PPFIA2: variants seen among roughly 807,000 people sequenced by gnomAD.
The protein encoded by PPFIA2 is liprin-alpha-2.
Under a neutral mutation model 175.5 loss-of-function variants are expected in PPFIA2, and 46 were observed. The observed-to-expected ratio is 0.26, with a 90% CI of 0.21 to 0.34. The LOEUF is 0.34. Ranked by LOEUF, PPFIA2 falls within the 10% of genes least tolerant of loss-of-function variation. The probability of loss-of-function intolerance (pLI) is 1.00; values close to 1 mark genes in which losing one functional copy is unlikely to be tolerated. For synonymous variants in PPFIA2, 568 were observed against 511.4 expected, an observed-to-expected ratio of 1.11 and a Z score of -1.49; for missense variants, 1,179 against 1,506.1, an observed-to-expected ratio of 0.78 and a Z score of 3.60.
chr12:81,651,753 T>C (rs975475224), intron 4 of PPFIA2, among the ~76,000 whole-genome samples: 3 of 152,152 alleles, frequency 2.0e-5, no homozygotes, highest in African/African-American at 7.2e-5. Flanking sequence ...ATCAAAGAGC[T>C]CATAAGTGAT....
chr12:81,345,388 A>C (rs1555291912), intron 18 of PPFIA2, among the ~76,000 whole-genome samples: 3 of 151,036 alleles, frequency 2.0e-5, no homozygotes, highest in African/African-American at 2.5e-5. Flanking sequence ...CTTTTTTTTC[A>C]GTACTCTAAT....
intron 7 of PPFIA2, among the ~76,000 whole-genome samples, chr12:81,416,234 G>C (rs951565244): frequency 6.6e-6 from 1 of 151,574 alleles, no homozygotes; most frequent in Non-Finnish European, 1.5e-5. Context: ...TTTCTAAACA[G>C]TTTTTCAAAA....
intron 4 of PPFIA2, chr12:81,472,641 A>T (rs2056911506): frequency 6.6e-6 from 1 of 152,198 alleles, no homozygotes; most frequent in South Asian, 2.1e-4. Flanking sequence ...CTTTTTAGTA[A>T]CCAGTATGCT....
rs74933884 is a variant in PPFIA2 at position 81,655,891 on chromosome 12, T to C, written c.303+20900A>G. ...TGTTCTACCATGATTGAGGCTTTTC[T>C]ATTCTCCTTTTGATTCTGTTAATTT... On this transcript the variant is annotated intron_variant, in intron 4 of 32. Transcript: ENST00000549396. Among the ~76,000 whole-genome samples the C allele has an allele frequency of 6.1e-3, 926 of 152,200 alleles. 33 individuals are homozygous for C. The East Asian group carries it at 0.089, about 15-fold the overall frequency.
intron 3 of PPFIA2, among the ~76,000 whole-genome samples, chr12:81,691,390 GA>G (rs1278319472): frequency 6.6e-6 from 1 of 152,086 alleles, no homozygotes; most frequent in Non-Finnish European, 1.5e-5. Flanking sequence ...GTTGATTCGA[GA>G]AAAATAAATG....
chr12:81,566,708 A>G (rs2071401644), intron 4 of PPFIA2, among the ~76,000 whole-genome samples: 1 of 152,144 alleles, frequency 6.6e-6, no homozygotes, highest in Non-Finnish European at 1.5e-5. Context: ...GGGGATATAC[A>G]CTCATTGCAA....
At chr12:81,652,088 C>T (rs180837240) in intron 4 of PPFIA2, among the ~76,000 whole-genome samples, 3 of 151,408 alleles carry the variant, frequency 2.0e-5, no homozygotes, top group African/African-American at 7.3e-5. Flanking sequence ...TTTTCTAGTT[C>T]TACATTTCTA....
At chr12:81,597,910 C>A in intron 4 of PPFIA2, 1 of 1,520,306 alleles carries the variant, frequency 6.6e-7, no homozygotes, top group Non-Finnish European at 8.8e-7. Flanking sequence ...TTTGACAATA[C>A]ATTAACTTAC....
At chr12:81,329,765 G>A (rs1244710403) in intron 21 of PPFIA2, among the ~76,000 whole-genome samples, 1 of 152,192 alleles carries the variant, frequency 6.6e-6, no homozygotes, top group African/African-American at 2.4e-5. Context: ...CCTGCTGTTT[G>A]GCTGGATCGG....
chr12:81,724,721 A>G (rs562833374), intron 3 of PPFIA2, among the ~76,000 whole-genome samples: 1 of 151,084 alleles, frequency 6.6e-6, no homozygotes, highest in South Asian at 2.1e-4. Flanking sequence ...TTGTTTACCC[A>G]GTCATCTATT....
chr12:81,533,735 CTATA>C (rs1555461233), intron 4 of PPFIA2, among the ~76,000 whole-genome samples: 134 of 73,612 alleles, frequency 1.8e-3, no homozygotes, highest in African/African-American at 2.4e-3. Context: ...ATCTATCTAT[CTATA>C]TATCTATCTA....
At chr12:81,367,053 G>A in intron 14 of PPFIA2, 55 bp downstream of exon 14, 1 of 1,405,914 alleles carries the variant, frequency 7.1e-7, no homozygotes. Context: ...ACATTCATCA[G>A]TGGAATAGAA....
chr12:81,416,574 G>C (rs2045302935), intron 7 of PPFIA2, among the ~76,000 whole-genome samples: 1 of 151,630 alleles, frequency 6.6e-6, no homozygotes, highest in South Asian at 2.1e-4. Context: ...AAGGGAAATA[G>C]GTGTCTCACA....
chr12:81,606,373 T>G (rs1195824984), intron 4 of PPFIA2, among the ~76,000 whole-genome samples: 1 of 152,030 alleles, frequency 6.6e-6, no homozygotes, highest in East Asian at 1.9e-4. Context: ...AGCTCTGTTT[T>G]AAGTTATTTG....
At chr12:81,598,112 A>G in intron 4 of PPFIA2, 13 of 1,528,194 alleles carry the variant, frequency 8.5e-6, no homozygotes, top group Non-Finnish European at 1.1e-5. Context: ...AAATCCGTGC[A>G]TGCATTGAGG....
intron 7 of PPFIA2, among the ~76,000 whole-genome samples, chr12:81,420,052 T>C (rs929772160): frequency 2.6e-5 from 4 of 152,166 alleles, no homozygotes; most frequent in Admixed American, 2.6e-4. Flanking sequence ...TCACCAGTGC[T>C]GACCTCAGCT....
chr12:81,297,070 T>C (rs1165821784), intron 23 of PPFIA2, among the ~76,000 whole-genome samples: 1 of 152,154 alleles, frequency 6.6e-6, no homozygotes, highest in Non-Finnish European at 1.5e-5. Flanking sequence ...AGGAGCCCTG[T>C]GGAGAGTCCC....
intron 3 of PPFIA2, among the ~76,000 whole-genome samples, chr12:81,702,080 C>A (rs2076556788): frequency 6.6e-6 from 1 of 152,106 alleles, no homozygotes; most frequent in Non-Finnish European, 1.5e-5. Context: ...TTGCTCCTAG[C>A]AGCTGGCTGC....
At chr12:81,625,119 T>A (rs1379024477) in intron 4 of PPFIA2, among the ~76,000 whole-genome samples, 1 of 151,854 alleles carries the variant, frequency 6.6e-6, no homozygotes, top group African/African-American at 2.4e-5. Flanking sequence ...TGAATAGATA[T>A]AAATTATACA....
Sources: allele counts gnomAD v4.1 joint callset (sites outside exome capture counted in the v4.1 genomes callset), GRCh38; gene constraint gnomAD v4.1.1; transcripts MANE v1.5; gene names NCBI Gene and HGNC (gene_info 2026-07-23, HGNC 2026-07-21).